TBCK: variants seen among roughly 807,000 people sequenced by gnomAD.
TBCK encodes the protein TBC1 domain containing kinase.
Under a neutral mutation model 113.4 loss-of-function variants are expected in TBCK, and 99 were observed. The observed-to-expected ratio is 0.87, with a 90% confidence interval of 0.74 to 1.03. The LOEUF (loss-of-function observed/expected upper bound fraction) is 1.03, where lower values mean the gene tolerates loss of function less well. TBCK is among the 50% of genes least tolerant of loss of function. The pLI, the probability that TBCK is intolerant of heterozygous loss-of-function variation, is 0.00. For missense variants in TBCK, 1,045 were observed against 1,061.3 expected (o/e 0.98, Z 0.21); for synonymous variants, 369 against 370.8 (o/e 1.00, Z 0.05).
At chr4:106,303,626 C>T (rs1237379194) in intron 2 of TBCK, among the ~76,000 whole-genome samples, 1 of 152,118 alleles carries the variant, frequency 6.6e-6, no homozygotes, top group Non-Finnish European at 1.5e-5. Flanking sequence ...AAACTGAGTT[C>T]TCAGCCATGA....
At position 106,046,558 on chromosome 4, in the gene TBCK, A is replaced by G; in HGVS notation, c.*12T>C. ...TGCCACACTAAGTTTTGGCAGTCAC[A>G]CTCTTGGTTCTTCATATTTGAGGAG... On this transcript the variant is annotated 3_prime_UTR_variant, in exon 26 of 26. Transcript: ENST00000394708. 6.7e-7 allele frequency: 1 copy of G among 1,499,916 alleles called. No homozygotes were observed. 92.9% of individuals were successfully genotyped at this position (1,499,916 alleles called of 1,614,324 possible). A position where few individuals can be genotyped will look rare whatever the true frequency, so the allele number is the denominator to read the frequency against.
chr4:106,056,429 A>ATC (rs140199798), intron 25 of TBCK, among the ~76,000 whole-genome samples: 19,377 of 150,648 alleles, frequency 0.13, 1,563 homozygotes, highest in South Asian at 0.24. Context: ...GTCTCTAAGT[A>ATC]TCTCTCTCTC....
chr4:106,258,046 A>G (rs1762173641), intron 5 of TBCK, among the ~76,000 whole-genome samples: 1 of 152,100 alleles, frequency 6.6e-6, no homozygotes, highest in African/African-American at 2.4e-5. Context: ...CAGGACAGAG[A>G]TAAACTTTGT....
chr4:106,224,502 A>T (rs1172961194), intron 19 of TBCK, among the ~76,000 whole-genome samples: 1 of 152,180 alleles, frequency 6.6e-6, no homozygotes, highest in Non-Finnish European at 1.5e-5. Flanking sequence ...ATTTATGCCA[A>T]CCAAAAATCA....
chr4:106,054,532 T>C (rs1358786167), intron 25 of TBCK, among the ~76,000 whole-genome samples: 2 of 151,764 alleles, frequency 1.3e-5, no homozygotes, highest in South Asian at 2.1e-4. Context: ...TTTATATATA[T>C]ATCTAAACTA....
chr4:106,079,217 A>G (rs1214317853), intron 25 of TBCK, among the ~76,000 whole-genome samples: 2 of 152,238 alleles, frequency 1.3e-5, no homozygotes, highest in African/African-American at 4.8e-5. Flanking sequence ...AGCCAATATC[A>G]TAATAAACAG....
At chr4:106,217,216 T>C (rs1188839838) in intron 19 of TBCK, among the ~76,000 whole-genome samples, 1 of 152,190 alleles carries the variant, frequency 6.6e-6, no homozygotes, top group Non-Finnish European at 1.5e-5. Context: ...TGGGACATAC[T>C]TCAAAATAAT....
intron 23 of TBCK, chr4:106,163,515 C>A (rs890228421): frequency 2.0e-5 from 3 of 152,116 alleles, no homozygotes; most frequent in Admixed American, 2.0e-4. Context: ...TAAAGACATA[C>A]CCCAAACTGG....
At chr4:106,120,601 G>A (rs931113944) in intron 23 of TBCK, among the ~76,000 whole-genome samples, 2 of 152,188 alleles carry the variant, frequency 1.3e-5, no homozygotes, top group African/African-American at 2.4e-5. Flanking sequence ...GGTTCTCTCA[G>A]CACGCAGCTG....
At chr4:106,092,266 T>C (rs1740356331) in intron 25 of TBCK, among the ~76,000 whole-genome samples, 1 of 152,208 alleles carries the variant, frequency 6.6e-6, no homozygotes, top group Non-Finnish European at 1.5e-5. Context: ...GATTGGTGTA[T>C]TTACAATCCC....
chr4:106,127,663 G>A (rs1745389480), intron 23 of TBCK, among the ~76,000 whole-genome samples: 1 of 152,080 alleles, frequency 6.6e-6, no homozygotes. Flanking sequence ...ATGTGTGTGT[G>A]TGCATGTTTG....
At chr4:106,262,044 T>C (rs1459357129) in intron 4 of TBCK, 54 bp downstream of exon 4, 7 of 1,018,928 alleles carry the variant, frequency 6.9e-6, no homozygotes, top group Non-Finnish European at 1.0e-5. Context: ...CTGATCCCAG[T>C]TGCTTCCAAT....
chr4:106,124,231 C>G (rs1232919786), intron 23 of TBCK, among the ~76,000 whole-genome samples: 1 of 152,144 alleles, frequency 6.6e-6, no homozygotes, highest in Admixed American at 6.5e-5. Context: ...ATTTATGCAG[C>G]CAAAAAACAC....
Position 106,111,991 on chromosome 4 carries a change from G to A in TBCK, c.2411+4212C>T, listed in dbSNP as rs547008370. On this transcript the variant is annotated intron_variant, in intron 24 of 25. Transcript: ENST00000394708. ...AGCACAAAGGGAAATTGAAGAGATA[G>A]AGCAAGCTATTTCTCAGAGACAACT... is the stretch of plus-strand genomic sequence containing the variant. Among the ~76,000 whole-genome samples, 23 of 152,258 alleles carry A rather than the reference G, an allele frequency of 1.5e-4. No individual in the cohort carries two copies. The South Asian group carries it at 4.8e-3, about 32-fold the overall frequency.
At chr4:106,261,524 T>G (rs1762505493) in intron 4 of TBCK, among the ~76,000 whole-genome samples, 1 of 152,252 alleles carries the variant, frequency 6.6e-6, no homozygotes, top group East Asian at 1.9e-4. Context: ...GGAATCAAAT[T>G]ACAATTATTC....
chr4:106,047,289 C>T (rs753052454), intron 25 of TBCK, among the ~76,000 whole-genome samples: 1 of 152,154 alleles, frequency 6.6e-6, no homozygotes, highest in Non-Finnish European at 1.5e-5. Context: ...TATACACAGA[C>T]GACTTAGCTA....
At chr4:106,211,766 C>T (rs969679409) in intron 20 of TBCK, among the ~76,000 whole-genome samples, 5 of 152,054 alleles carry the variant, frequency 3.3e-5, no homozygotes, top group South Asian at 2.1e-4. Flanking sequence ...TGTAACCCTA[C>T]ATAATCATAA....
intron 23 of TBCK, among the ~76,000 whole-genome samples, chr4:106,161,264 T>G: frequency 6.6e-6 from 1 of 152,168 alleles, no homozygotes; most frequent in East Asian, 1.9e-4. Context: ...AATAAATGCA[T>G]ATATATTTAA....
chr4:106,229,215 T>C (rs1253035799), intron 19 of TBCK, among the ~76,000 whole-genome samples: 6 of 152,076 alleles, frequency 3.9e-5, no homozygotes, highest in Non-Finnish European at 7.4e-5. Flanking sequence ...ACTTTGTTGA[T>C]TGTCTCCTTT....
Sources: allele counts gnomAD v4.1 joint callset (sites outside exome capture counted in the v4.1 genomes callset), GRCh38; gene constraint gnomAD v4.1.1; transcripts MANE v1.5; gene names NCBI Gene and HGNC (gene_info 2026-07-23, HGNC 2026-07-21).